TDRKH: variants seen among roughly 807,000 people sequenced by gnomAD.
TDRKH encodes tudor and KH domain containing, also known as tudor and KH domain-containing protein.
A neutral mutation model predicts 61.3 loss-of-function variants in TDRKH; 28 were observed. That is an observed-to-expected ratio of 0.46 (90% CI 0.34 to 0.63). The LOEUF is 0.63. Among genes scored for constraint, TDRKH ranks in the 20% least tolerant of loss-of-function variants. The pLI, the probability that TDRKH is intolerant of heterozygous loss-of-function variation, is 0.01. For missense variants in TDRKH, 540 were observed against 683.4 expected, an observed-to-expected ratio of 0.79 and a Z score of 2.34; for synonymous variants, 219 against 244.4, an observed-to-expected ratio of 0.90 and a Z score of 0.97.
Position 151,784,107 on chromosome 1 carries a change from G to C in TDRKH, c.-27-1058C>G, listed in dbSNP as rs147379561. ...TTTCACTAAAAAAGGAGAGCATTCA[G>C]AGAAAATATCCACAAGCTTCTACAC... On this transcript the variant is annotated intron_variant, in intron 1 of 12. Coordinates refer to ENST00000368824, the MANE Select transcript of TDRKH (RefSeq NM_001083965.2). 1.1e-3 allele frequency among the ~76,000 whole-genome samples: 173 copies of C among 152,348 alleles called. 1 individual carries two copies. The highest frequency in any genetic ancestry group is 3.9e-3 in the African/African-American group (162 of 41,584).
intron 2 of TDRKH, chr1:151,781,947 T>G (rs1369365091): frequency 2.2e-6 from 1 of 455,030 alleles, no homozygotes; most frequent in Non-Finnish European, 4.3e-6. Flanking sequence ...TCCTGACTGA[T>G]AGGTACATAA....
downstream of TDRKH, chr1:151,769,350 G>A (rs1027852109): frequency 1.4e-4 from 3 of 21,362 alleles, no homozygotes; most frequent in Non-Finnish European, 1.8e-4. Context: ...CCACCTCCCG[G>A]ACGGGGCAGC....
chr1:151,774,934 C>T (rs1297203519), intron 11 of TDRKH, 128 bp from the exon 12 acceptor site: 2 of 1,356,640 alleles, frequency 1.5e-6, no homozygotes, highest in East Asian at 2.3e-5. Context: ...GGACAAAATG[C>T]TCCTTTGGTC....
At chr1:151,767,478 G>A, downstream of TDRKH, 4 of 1,286,710 alleles carry the variant, frequency 3.1e-6, no homozygotes, top group Non-Finnish European at 4.1e-6. Flanking sequence ...TAAAATCAAG[G>A]TCATACAGAT....
At chr1:151,767,820 G>T (rs1648417195), downstream of TDRKH, 3 of 536,526 alleles carry the variant, frequency 5.6e-6, no homozygotes, top group Admixed American at 3.4e-5. Context: ...TGTACTCCTG[G>T]GTTGAAGTCA....
At chr1:151,768,007 T>C, downstream of TDRKH, 1 of 1,604,304 alleles carries the variant, frequency 6.2e-7, no homozygotes, top group East Asian at 2.2e-5. Flanking sequence ...CACCCCCATC[T>C]GCCTGAGGTC....
chr1:151,771,143 C>G (rs1358024554), downstream of TDRKH: 6 of 1,613,366 alleles, frequency 3.7e-6, no homozygotes, highest in Non-Finnish European at 5.1e-6. Context: ...CCTGCCCTCC[C>G]TCCCTTGGAC....
chr1:151,787,431 A>C (rs944151128), intron 1 of TDRKH, among the ~76,000 whole-genome samples: 1 of 152,058 alleles, frequency 6.6e-6, no homozygotes, highest in South Asian at 2.1e-4. Context: ...ATTGGCCAGG[A>C]TGGTCTCGAA....
At position 151,776,574 on chromosome 1, in the gene TDRKH, A is replaced by G. The variant is rs755640874; in HGVS notation, c.909T>C (p.His303=). The change falls in exon 7 of 13, where the codon CAT becomes CAC. Residue 303 remains histidine, a synonymous_variant. Coordinates refer to ENST00000368824, the MANE Select transcript of TDRKH (RefSeq NM_001083965.2). ...FEIPSPDFSF[H]ADEYLEVYVS... is the part of the protein sequence containing the mutation. ...CGTAGACTTCTAGGTACTCATCAGC[A>G]TGAAAACTGAAGTCAGGACTGGGGA... The G allele has an allele frequency of 6.2e-7, 1 of 1,614,166 alleles. No homozygotes were observed. The highest frequency in any genetic ancestry group is 8.5e-7 in the Non-Finnish European group (1 of 1,180,020).
At chr1:151,770,392 A>G (rs1333978372), downstream of TDRKH, 5 of 1,273,792 alleles carry the variant, frequency 3.9e-6, no homozygotes, top group East Asian at 2.6e-5. Context: ...CTTCCCACCT[A>G]CCACGAAGGT....
Position 151,773,700 on chromosome 1 carries a change from C to G in TDRKH, c.*752G>C, listed in dbSNP as rs1349627053. ...GAAATAGCTGGAGCAGTTTCAAAAGCCTGTCTCCAATAACATATCAGCAAT... is the reference window on the plus strand; with the variant it reads ...GAAATAGCTGGAGCAGTTTCAAAAGGCTGTCTCCAATAACATATCAGCAAT... On this transcript the variant is annotated 3_prime_UTR_variant, in exon 13 of 13. Coordinates refer to ENST00000368824, the MANE Select transcript of TDRKH (RefSeq NM_001083965.2). 1.3e-5 allele frequency: 2 copies of G among 152,172 alleles called. No homozygotes were observed. Among genetic ancestry groups the G allele is most frequent in the Non-Finnish European group, 2.9e-5 (2 of 68,034 alleles). 9.4% of individuals were successfully genotyped at this position (152,172 alleles called of 1,614,324 possible). A position where few individuals can be genotyped will look rare whatever the true frequency, so the allele number is the denominator to read the frequency against.
chr1:151,769,085 A>G (rs1182121893), downstream of TDRKH, among the ~76,000 whole-genome samples: 1 of 151,312 alleles, frequency 6.6e-6, no homozygotes, highest in Admixed American at 6.6e-5. Context: ...CACAGCAACA[A>G]TCTGATTTCT....
chr1:151,780,740 C>G (rs965580824), intron 3 of TDRKH, among the ~76,000 whole-genome samples: 56 of 151,108 alleles, frequency 3.7e-4, no homozygotes, highest in African/African-American at 1.3e-3. Context: ...GTCCCAGCTA[C>G]TTGGGAGGCT....
downstream of TDRKH, among the ~76,000 whole-genome samples, chr1:151,769,932 C>T (rs1476069017): frequency 7.4e-6 from 1 of 134,654 alleles, no homozygotes; most frequent in Admixed American, 7.9e-5. Context: ...ACCAGTCAGG[C>T]ATGGCGGCAC....
chr1:151,775,139 G>T lies in TDRKH; in HGVS notation c.1462C>A (p.His488Asn). The T allele has an allele frequency of 2.5e-6, 4 of 1,614,082 alleles. No homozygotes were observed. Among genetic ancestry groups the T allele is most frequent in the Non-Finnish European group, 3.4e-6 (4 of 1,180,004 alleles). ...KKLDIGLELV[H>N]KGYAIELPED... ...GGAAGCTCAATTGCGTATCCTTTGT[G>T]TACTAATTCTAGCCCAATATCAAGT... The change falls in exon 11 of 13, where the codon CAC (histidine) becomes AAC (asparagine). Residue 488 changes from histidine to asparagine, a missense_variant. Around this residue, in one of 3 missense-constraint regions of TDRKH, gnomAD observed 379 missense variants for 443.8 expected, o/e 0.85. Transcript: ENST00000368824.
chr1:151,782,828 GT>G lies in TDRKH; in HGVS notation c.124+70del, dbSNP rs1205917120. 1.1e-4 allele frequency: 163 copies of G among 1,476,664 alleles called. No individual in the cohort carries two copies. In the South Asian group the frequency reaches 2.3e-3, roughly 21 times the overall value. 91.5% of individuals were successfully genotyped at this position (1,476,664 alleles called of 1,614,324 possible). Reference sequence around the variant, plus strand: ...ACACACAATACCTGGCAAGGAAAGAGTTTTTTTCAATTTAACAAGGCAGGAG... The same window carrying G: ...ACACACAATACCTGGCAAGGAAAGAGTTTTTTCAATTTAACAAGGCAGGAG... On this transcript the variant is annotated intron_variant, in intron 2 of 12. Transcript: ENST00000368824.
At chr1:151,786,606 G>T (rs1422784541) in intron 1 of TDRKH, among the ~76,000 whole-genome samples, 2 of 152,142 alleles carry the variant, frequency 1.3e-5, no homozygotes, top group Non-Finnish European at 2.9e-5. Flanking sequence ...TTTGCATCTG[G>T]CCTCACAGCT....
chr1:151,767,814 CT>C, downstream of TDRKH: 2 of 528,456 alleles, frequency 3.8e-6, no homozygotes, highest in South Asian at 5.6e-5. Flanking sequence ...GGTTATTGTA[CT>C]CCTGGGTTGA....
chr1:151,781,419 A>C, intron 3 of TDRKH, 62 bp downstream of exon 3: 1 of 1,459,470 alleles, frequency 6.9e-7, no homozygotes, highest in South Asian at 1.2e-5. Context: ...AGTGGAAGGA[A>C]ACAAGAAATC....
Sources: allele counts gnomAD v4.1 joint callset (sites outside exome capture counted in the v4.1 genomes callset), GRCh38; gene constraint gnomAD v4.1.1; regional missense constraint gnomAD v4.1.1; transcripts MANE v1.5; gene names NCBI Gene and HGNC (gene_info 2026-07-23, HGNC 2026-07-21).